Variants in FREM1 observed in about 807,000 individuals in gnomAD.
The protein encoded by FREM1 is FRAS1 related extracellular matrix 1.
In FREM1, 220 loss-of-function variants were observed where a neutral mutation model predicts 210.1. The observed-to-expected ratio is 1.05, with a 90% confidence interval of 0.94 to 1.17. The LOEUF (loss-of-function observed/expected upper bound fraction) is 1.17, where lower values mean the gene tolerates loss of function less well. Ranked by LOEUF, FREM1 falls within the 50% of genes most tolerant of loss-of-function variation. The pLI, the probability that FREM1 is intolerant of heterozygous loss-of-function variation, is 0.00. For synonymous variants in FREM1, 1,189 were observed against 980.2 expected (o/e 1.21, Z -3.98); for missense variants, 3,454 against 2,675.5 (o/e 1.29, Z -6.42).
At chr9:14,773,848 C>T (rs763695687) in intron 25 of FREM1, among the ~76,000 whole-genome samples, 1 of 152,064 alleles carries the variant, frequency 6.6e-6, no homozygotes, top group African/African-American at 2.4e-5. Context: ...GGAACTCTAA[C>T]ATCTGCACTC....
chr9:14,776,295 G>A, intron 24 of FREM1, 92 bp from the exon 25 acceptor site: 1 of 1,361,928 alleles, frequency 7.3e-7, no homozygotes, highest in African/African-American at 1.4e-5. Context: ...TTTACTAAAG[G>A]GTATTGTCGT....
Position 14,825,561 on chromosome 9 carries a change from A to ATATG in FREM1, c.1882-570_1882-569insCATA, listed in dbSNP as rs1554685337. On this transcript the variant is annotated intron_variant, in intron 10 of 36. Coordinates refer to ENST00000380880, the MANE Select transcript of FREM1 (RefSeq NM_001379081.2). Reference sequence around the variant, plus strand: ...TGTGTGTGTGTGTATATATATATATATATATATATACCACAATTATAGTGA... The same window carrying ATATG: ...TGTGTGTGTGTGTATATATATATATATATGTATATATATACCACAATTATAGTGA... Among the ~76,000 whole-genome samples, 35 of 129,256 alleles carry ATATG rather than the reference A, an allele frequency of 2.7e-4. 2 individuals carry two copies. The highest frequency in any genetic ancestry group is 8.1e-4 in the African/African-American group (26 of 32,128). The allele number at this position is 129,256 out of a possible 152,430, so 84.8% of individuals were successfully genotyped here. A position where few individuals can be genotyped will look rare whatever the true frequency, so the allele number is the denominator to read the frequency against.
rs750826286 is a variant in FREM1, at chr9:14,748,523, G to C, written c.5674C>G (p.Leu1892Val). The change falls in exon 31 of 37, where the codon CTG becomes GTG. Residue 1892 changes from leucine (L) to valine (V), a missense_variant. Coordinates refer to ENST00000380880, the MANE Select transcript of FREM1 (RefSeq NM_001379081.2). ...SSSTTSGSFH[L>V]ERRPLPSSMQ... ...GAAGATGGAAGAGGTCTTCTTTCCA[G>C]ATGAAAGGAACCAGAAGTGGTGGAT... 6.2e-7 allele frequency: 1 copy of C among 1,613,796 alleles called. No homozygotes were observed. Among genetic ancestry groups the C allele is most frequent in the South Asian group, 1.1e-5 (1 of 91,070 alleles).
chr9:14,847,189 C>A (rs1170558198), intron 7 of FREM1, among the ~76,000 whole-genome samples: 1 of 152,078 alleles, frequency 6.6e-6, no homozygotes, highest in Non-Finnish European at 1.5e-5. Context: ...CCAGACACAG[C>A]AGTTGCATCT....
chr9:14,748,109 C>G (rs1271912156), intron 31 of FREM1, among the ~76,000 whole-genome samples: 1 of 152,174 alleles, frequency 6.6e-6, no homozygotes, highest in Non-Finnish European at 1.5e-5. Flanking sequence ...TTTCATCTCA[C>G]TCTATTTCAG....
At chr9:14,794,195 G>C (rs1851926073) in intron 21 of FREM1, among the ~76,000 whole-genome samples, 1 of 152,166 alleles carries the variant, frequency 6.6e-6, no homozygotes, top group Non-Finnish European at 1.5e-5. Flanking sequence ...TATTTGTGAA[G>C]TGATTCCAGG....
intron 5 of FREM1, among the ~76,000 whole-genome samples, chr9:14,854,251 T>A (rs1828308810): frequency 6.6e-6 from 1 of 152,198 alleles, no homozygotes; most frequent in South Asian, 2.1e-4. Flanking sequence ...AAGACAAATT[T>A]TTTTAATTAG....
At chr9:14,877,942 A>G (rs1408911484) in intron 1 of FREM1, among the ~76,000 whole-genome samples, 1 of 152,228 alleles carries the variant, frequency 6.6e-6, no homozygotes, top group Non-Finnish European at 1.5e-5. Flanking sequence ...CCTTCAAAAC[A>G]TATCCAGAAT....
At chr9:14,887,202 G>A (rs1186265323) in intron 1 of FREM1, among the ~76,000 whole-genome samples, 22 of 152,140 alleles carry the variant, frequency 1.4e-4, no homozygotes, top group Admixed American at 1.4e-3. Context: ...TTTAATTGAG[G>A]AAATCAAGAC....
intron 24 of FREM1, chr9:14,779,448 C>A: frequency 1.8e-5 from 18 of 983,450 alleles, no homozygotes; most frequent in Non-Finnish European, 2.1e-5. Context: ...AGCAACAAAC[C>A]CAAATGCAAG....
Position 14,859,176 on chromosome 9 carries a change from AT to A in FREM1, c.631+6del. The A allele has an allele frequency of 1.3e-6, 2 of 1,551,748 alleles. No homozygotes were observed. The highest frequency in any genetic ancestry group is 1.7e-6 in the Non-Finnish European group (2 of 1,151,472). ...AATACCCAGAAAGGCATTAAAAGAC[AT>A]CATACGGGACTCTGGGAAAAAACTG... On this transcript the variant is annotated splice_donor_region_variant and intron_variant, in intron 4 of 36. Coordinates refer to ENST00000380880, the MANE Select transcript of FREM1 (RefSeq NM_001379081.2).
chr9:14,857,511 C>T lies in FREM1; in HGVS notation c.828+42G>A, dbSNP rs1173522895. On this transcript the variant is annotated intron_variant, in intron 5 of 36. Transcript: ENST00000380880. ...TAAGCCTGTGTAACTGGCTCTCTTA[C>T]TGTGAATCCTGGGGGCACCCACACA... 4.0e-6 allele frequency: 6 copies of T among 1,511,958 alleles called. No homozygotes were observed. The South Asian group carries it at 5.6e-5, about 14-fold the overall frequency. The allele number at this position is 1,511,958 out of a possible 1,614,324, so 93.7% of individuals were successfully genotyped here.
chr9:14,814,091 C>T (rs1227282759), intron 15 of FREM1, among the ~76,000 whole-genome samples: 1 of 152,212 alleles, frequency 6.6e-6, no homozygotes, highest in Non-Finnish European at 1.5e-5. Context: ...TCTCTTCCCC[C>T]TGGGAATTCT....
chr9:14,760,523 T>C (rs918260693), intron 27 of FREM1, among the ~76,000 whole-genome samples: 11 of 152,172 alleles, frequency 7.2e-5, no homozygotes, highest in African/African-American at 2.2e-4. Context: ...ACCTGAGAAA[T>C]AGAGGATAGT....
At chr9:14,860,541 A>ATGTG (rs1829624917) in intron 3 of FREM1, among the ~76,000 whole-genome samples, 3 of 123,418 alleles carry the variant, frequency 2.4e-5, no homozygotes, top group African/African-American at 1.2e-4. Context: ...ATGTATATAT[A>ATGTG]TACACATATA....
At chr9:14,794,843 C>A (rs1377826098) in intron 21 of FREM1, among the ~76,000 whole-genome samples, 1 of 151,660 alleles carries the variant, frequency 6.6e-6, no homozygotes, top group African/African-American at 2.4e-5. Flanking sequence ...ACCAAAAATA[C>A]AAAAATTAGC....
At chr9:14,866,292 T>C (rs941807692) in intron 2 of FREM1, among the ~76,000 whole-genome samples, 1 of 152,218 alleles carries the variant, frequency 6.6e-6, no homozygotes, top group African/African-American at 2.4e-5. Context: ...AAATGTTTTT[T>C]ACCTAGTTCT....
Position 14,825,558 on chromosome 9 carries a change from T to TAC in FREM1, c.1882-567_1882-566insGT, listed in dbSNP as rs1389409936. On this transcript the variant is annotated intron_variant, in intron 10 of 36. Coordinates refer to ENST00000380880, the MANE Select transcript of FREM1 (RefSeq NM_001379081.2). ...ATATGTGTGTGTGTGTATATATATA[T>TAC]ATATATATATATACCACAATTATAG... Among the ~76,000 whole-genome samples the TAC allele has an allele frequency of 4.9e-4, 68 of 139,532 alleles. 2 individuals are homozygous for TAC. The highest frequency in any genetic ancestry group is 3.8e-3 in the Admixed American group (53 of 13,910). The allele number at this position is 139,532 out of a possible 152,430, so 91.5% of individuals were successfully genotyped here.
Position 14,738,461 on chromosome 9 carries a change from C to T in FREM1, c.6341-866G>A, listed in dbSNP as rs1006372740. On this transcript the variant is annotated intron_variant, in intron 36 of 36. Coordinates refer to ENST00000380880, the MANE Select transcript of FREM1 (RefSeq NM_001379081.2). ...CCCTCCCTGAATTATTGATTAGTGA[C>T]ATTCTGCCTAAGCATATTGTGAGGA... 4.6e-5 allele frequency among the ~76,000 whole-genome samples: 7 copies of T among 152,264 alleles called. No individual in the cohort carries two copies. In the East Asian group the frequency reaches 5.8e-4, roughly 13 times the overall value.
Sources: gnomAD v4.1 joint callset for allele counts (sites outside exome capture counted in the v4.1 genomes callset) on GRCh38, gnomAD v4.1.1 for gene constraint, MANE v1.5 for transcripts, NCBI Gene and HGNC (gene_info 2026-07-23, HGNC 2026-07-21) for gene names.